The following ULK1 variants were observed in gnomAD, a reference collection of about 807,000 sequenced individuals.
ULK1 encodes the protein serine/threonine-protein kinase ULK1.
Under a neutral mutation model 117.5 loss-of-function variants are expected in ULK1, and 48 were observed. The observed-to-expected ratio is 0.41, with a 90% CI of 0.32 to 0.52. The LOEUF (loss-of-function observed/expected upper bound fraction) is 0.52, where lower values mean the gene tolerates loss of function less well. ULK1 is among the 20% of genes least tolerant of loss of function. The pLI is 0.29. For synonymous variants in ULK1, 790 were observed against 637.8 expected, an observed-to-expected ratio of 1.24 and a Z score of -3.60; for missense variants, 1,387 against 1,473.4, an observed-to-expected ratio of 0.94 and a Z score of 0.96.
chr12:131,918,746 C>CGGGTGTGTGGTGTATA, intron 23 of ULK1, 65 bp downstream of exon 23: 4 of 456,436 alleles, frequency 8.8e-6, no homozygotes, highest in Admixed American at 6.5e-5. Flanking sequence ...TGTGGGGTGT[C>CGGGTGTGTGGTGTATA]GGGTGTGTGG....
At chr12:131,918,341 CCTG>C in intron 22 of ULK1, 153 bp from the exon 23 acceptor site, 1 of 892,298 alleles carries the variant, frequency 1.1e-6, no homozygotes, top group African/African-American at 1.7e-5. Flanking sequence ...GCTCTAGGGG[CCTG>C]CTGTGCTTCT....
Position 131,901,691 on chromosome 12 carries a change from C to T in ULK1, c.247-5201C>T, listed in dbSNP as rs575591858. Among the ~76,000 whole-genome samples, 5 of 152,294 alleles carry T rather than the reference C, an allele frequency of 3.3e-5. No homozygotes were observed. In the East Asian group the frequency reaches 5.8e-4, roughly 18 times the overall value. On this transcript the variant is annotated intron_variant, in intron 3 of 27. Coordinates refer to ENST00000321867, the MANE Select transcript of ULK1 (RefSeq NM_003565.4). ...TGACAGGAGTTGGTTTTTGTTTGTG[C>T]GCAGCACCCCGTGGTGGGACTGTCA...
At chr12:131,916,910 G>A (rs766495494) in intron 20 of ULK1, 43 bp from the exon 21 acceptor site, 3 of 1,548,638 alleles carry the variant, frequency 1.9e-6, no homozygotes, top group South Asian at 2.4e-5. Context: ...CAGTTAGGGT[G>A]GGGTGGGCCG....
chr12:131,896,331 C>A (rs913331301), intron 3 of ULK1, among the ~76,000 whole-genome samples: 1 of 152,206 alleles, frequency 6.6e-6, no homozygotes, highest in African/African-American at 2.4e-5. Context: ...GAGATGACCT[C>A]GGGCCCGGCT....
At position 131,895,794 on chromosome 12, in the gene ULK1, T is replaced by G; in HGVS notation, c.216T>G (p.His72Gln). Residue 72 changes from histidine to glutamine, a missense_variant, in exon 3 of 28, where the codon CAT (histidine) becomes CAG (glutamine). His to Gln is a conservative substitution (Grantham distance 24, BLOSUM62 0). Transcript: ENST00000321867. Reference sequence around the variant, plus strand: ...GGTTTCTGTCCTAGGAACTGAAACATGAAAACATCGTGGCCCTGTACGACT... The same window carrying G: ...GGTTTCTGTCCTAGGAACTGAAACAGGAAAACATCGTGGCCCTGTACGACT... ...KEIKILKELKHENIVALYDFQ... is the reference protein window; with the variant it reads ...KEIKILKELKQENIVALYDFQ... 6.2e-7 allele frequency: 1 copy of G among 1,614,060 alleles called. No homozygotes were observed. The highest frequency in any genetic ancestry group is 8.5e-7 in the Non-Finnish European group (1 of 1,179,984).
chr12:131,917,333 G>A (rs369863440), intron 21 of ULK1, 78 bp from the exon 22 acceptor site: 4 of 987,494 alleles, frequency 4.1e-6, no homozygotes, highest in African/African-American at 3.4e-5. Flanking sequence ...TGGGATGGGG[G>A]TCGGGTTCGG....
chr12:131,904,885 C>G lies in ULK1; in HGVS notation c.247-2007C>G, dbSNP rs569590921. Among the ~76,000 whole-genome samples the G allele has an allele frequency of 2.0e-5, 3 of 152,256 alleles. No homozygotes were observed. The South Asian group carries it at 6.2e-4, about 31-fold the overall frequency. On this transcript the variant is annotated intron_variant, in intron 3 of 27. Transcript: ENST00000321867. Reference sequence around the variant, plus strand: ...TTTCTGAGTCTAGCTTCATCTCCCCCTCCTTCCTGGGTTCTGCCCGGAGCT... The same window carrying G: ...TTTCTGAGTCTAGCTTCATCTCCCCGTCCTTCCTGGGTTCTGCCCGGAGCT...
intron 3 of ULK1, among the ~76,000 whole-genome samples, chr12:131,900,733 C>T (rs1240251805): frequency 6.6e-6 from 1 of 152,262 alleles, no homozygotes; most frequent in Non-Finnish European, 1.5e-5. Context: ...CAGACAGAGC[C>T]GCTGCCTGTG....
rs146729534 is a variant in ULK1 at position 131,909,219 on chromosome 12, G to A, written c.648G>A (p.Thr216=). Residue 216 remains threonine (T), a synonymous_variant, in exon 8 of 28, where the codon ACG becomes ACA. Transcript: ENST00000321867. ...GCACCATCGTCTACCAGTGCCTGAC[G>A]GGGAAGGCGCCCTTCCAGGTAACTG... The part of the protein sequence containing the change: ...SIGTIVYQCL[T]GKAPFQASSP... The A allele has an allele frequency of 1.3e-3, 2,146 of 1,604,216 alleles. 42 individuals are homozygous for A. In the African/African-American group the frequency reaches 0.023, roughly 18 times the overall value.
At chr12:131,898,756 CA>C (rs1888973455) in intron 3 of ULK1, among the ~76,000 whole-genome samples, 1 of 152,154 alleles carries the variant, frequency 6.6e-6, no homozygotes, top group African/African-American at 2.4e-5. Context: ...CTCGGCCTCC[CA>C]AAGTGGTGGG....
rs1813037347 is a variant in ULK1 at position 131,913,251 on chromosome 12, T to G, written c.1150T>G (p.Cys384Gly). The G allele has an allele frequency of 6.3e-7, 1 of 1,587,876 alleles. No individual in the cohort carries two copies. The highest frequency in any genetic ancestry group is 1.1e-5 in the South Asian group (1 of 87,986). Residue 384 changes from cysteine (C) to glycine (G), a missense_variant, in exon 14 of 28, where the codon TGC becomes GGC. Around this residue, in one of 4 missense-constraint regions of ULK1, gnomAD observed 260 missense variants for 271.6 expected, o/e 0.96. Transcript: ENST00000321867. ...SAKPPPDSLM[C>G]SGSSLVASAG... ...CAAACCCCCGCCAGACAGCCTGATGTGCAGTGGGTGAGCCCCCATCCCTTA... is the reference window on the plus strand; with the variant it reads ...CAAACCCCCGCCAGACAGCCTGATGGGCAGTGGGTGAGCCCCCATCCCTTA...
Position 131,917,199 on chromosome 12 carries a change from GGAGGCTGTGGGATGGGGCTC to G in ULK1, c.2182+150_2182+169del, listed in dbSNP as rs1209147116. On this transcript the variant is annotated intron_variant, in intron 21 of 27. Coordinates refer to ENST00000321867, the MANE Select transcript of ULK1 (RefSeq NM_003565.4). ...GTGGGATGGGGGTCGGGTGGGGCTT[GGAGGCTGTGGGATGGGGCTC>G]GAGGCTGTGGGACGGGGGTCGGGTT... 61 of 205,742 alleles carry G rather than the reference GGAGGCTGTGGGATGGGGCTC, an allele frequency of 3.0e-4. 17 individuals are homozygous for G. The highest frequency in any genetic ancestry group is 3.1e-3 in the Middle Eastern group (2 of 636). 12.7% of individuals were successfully genotyped at this position (205,742 alleles called of 1,614,324 possible).
chr12:131,921,050 G>T lies in ULK1; in HGVS notation c.2962-50G>T, dbSNP rs1375437529. The T allele has an allele frequency of 2.6e-6, 4 of 1,532,578 alleles. No homozygotes were observed. In the East Asian group the frequency reaches 7.2e-5, roughly 28 times the overall value. The allele number at this position is 1,532,578 out of a possible 1,614,324, so 94.9% of individuals were successfully genotyped here. A position where few individuals can be genotyped will look rare whatever the true frequency, so the allele number is the denominator to read the frequency against. On this transcript the variant is annotated intron_variant, in intron 26 of 27. Coordinates refer to ENST00000321867, the MANE Select transcript of ULK1 (RefSeq NM_003565.4). The stretch of plus-strand genomic sequence containing the variant: ...CGTGGGTGCAGGGCAGCCCTTGCTG[G>T]GAGGGAGTGGGGTGAGCTGGCCCTG...
At chr12:131,895,141 C>A in intron 1 of ULK1, 29 bp downstream of exon 1, 2 of 1,464,682 alleles carry the variant, frequency 1.4e-6, no homozygotes, top group Admixed American at 2.3e-5. Flanking sequence ...CCGGGATCCC[C>A]CGCCCAGGAT....
chr12:131,909,252 C>CA lies in ULK1; in HGVS notation c.666+15_666+16insA. The CA allele has an allele frequency of 6.4e-7, 1 of 1,566,672 alleles. No individual in the cohort carries two copies. ...CGCCCTTCCAGGTAACTGGGCTTGG[C>CA]CCTGCTCCCCACGCCGCACCGTCAG... On this transcript the variant is annotated intron_variant, in intron 8 of 27. Coordinates refer to ENST00000321867, the MANE Select transcript of ULK1 (RefSeq NM_003565.4).
chr12:131,916,586 T>G lies in ULK1; in HGVS notation c.2067T>G (p.Phe689Leu). 1 of 1,577,472 alleles carries G rather than the reference T, an allele frequency of 6.3e-7. No homozygotes were observed. The highest frequency in any genetic ancestry group is 1.9e-5 in the Admixed American group (1 of 52,390). Reference protein sequence around the residue: ...LRPGEDPKGPFGRSFSTSRLT... With the variant: ...LRPGEDPKGPLGRSFSTSRLT... Reference sequence around the variant, plus strand: ...CAGGCGAGGACCCCAAGGGCCCCTTTGGCCGGTGAGTTGAGGGGACAGGCC... The same window carrying G: ...CAGGCGAGGACCCCAAGGGCCCCTTGGGCCGGTGAGTTGAGGGGACAGGCC... Residue 689 changes from phenylalanine (F) to leucine (L), a missense_variant, in exon 20 of 28, where the codon TTT (phenylalanine) becomes TTG (leucine). By Grantham distance (22) the Phe-to-Leu change is conservative. Around this residue, in one of 4 missense-constraint regions of ULK1, gnomAD observed 900 missense variants for 858.9 expected, o/e 1.05. Transcript: ENST00000321867.
At chr12:131,898,924 G>A (rs1888981229) in intron 3 of ULK1, among the ~76,000 whole-genome samples, 1 of 151,416 alleles carries the variant, frequency 6.6e-6, no homozygotes, top group South Asian at 2.1e-4. Context: ...TGTCACCCAG[G>A]CTGGAGTGCA....
intron 22 of ULK1, chr12:131,918,190 G>A: frequency 2.1e-6 from 1 of 477,804 alleles, no homozygotes; most frequent in Non-Finnish European, 3.8e-6. Context: ...TCCAGACAGT[G>A]GCAGCTGCCC....
Position 131,903,150 on chromosome 12 carries a change from G to A in ULK1, c.247-3742G>A, listed in dbSNP as rs966384922. Among the ~76,000 whole-genome samples, 5 of 152,262 alleles carry A rather than the reference G, an allele frequency of 3.3e-5. No homozygotes were observed. Among genetic ancestry groups the A allele is most frequent in the South Asian group, 4.1e-4 (2 of 4,828 alleles). ...TGGACAGGCCCAGCTGGGGGCCCCC[G>A]TCGGGGGGTGTTGTGGCGCAGGGCC... On this transcript the variant is annotated intron_variant, in intron 3 of 27. Coordinates refer to ENST00000321867, the MANE Select transcript of ULK1 (RefSeq NM_003565.4). The surrounding 1 kb of genome is among the most constrained non-coding windows in gnomAD (Gnocchi z 6.0).
Sources: gnomAD v4.1 joint callset for allele counts (sites outside exome capture counted in the v4.1 genomes callset) on GRCh38, gnomAD v4.1.1 for gene constraint, gnomAD v4.1.1 regional missense constraint, Gnocchi (gnomAD v3.1) non-coding constraint, MANE v1.5 for transcripts, NCBI Gene and HGNC (gene_info 2026-07-23, HGNC 2026-07-21) for gene names.